RFX6: variants seen among roughly 807,000 people sequenced by gnomAD.
RFX6 encodes the protein DNA-binding protein RFX6.
A neutral mutation model predicts 110.8 loss-of-function variants in RFX6; 50 were observed. The ratio of observed to expected loss-of-function variants is 0.45; its 90% CI spans 0.36 to 0.57. The LOEUF (loss-of-function observed/expected upper bound fraction) is 0.57. Among genes scored for constraint, RFX6 ranks in the 20% least tolerant of loss-of-function variants. RFX6 has a pLI of 0.00. For synonymous variants in RFX6, 383 were observed against 411.2 expected (o/e 0.93, Z 0.83); for missense variants, 990 against 1,127.0 (o/e 0.88, Z 1.74).
chr6:116,901,562 G>A (rs920248624), intron 6 of RFX6, among the ~76,000 whole-genome samples: 1 of 152,136 alleles, frequency 6.6e-6, no homozygotes, highest in Non-Finnish European at 1.5e-5. Flanking sequence ...GATAAACAAA[G>A]AATGACTAAC....
At chr6:116,894,113 T>C in intron 5 of RFX6, 49 bp downstream of exon 5, 1 of 940,542 alleles carries the variant, frequency 1.1e-6, no homozygotes, top group South Asian at 1.3e-5. Context: ...TCTTTAAATA[T>C]GCATGATACC....
At chr6:116,892,047 G>GATGTTT (rs1774842038) in intron 4 of RFX6, among the ~76,000 whole-genome samples, 2 of 152,072 alleles carry the variant, frequency 1.3e-5, no homozygotes, top group African/African-American at 4.8e-5. Context: ...CATCTTCCCA[G>GATGTTT]TCTTCCAGAA....
At chr6:116,898,643 C>T (rs891789159) in intron 6 of RFX6, among the ~76,000 whole-genome samples, 4 of 151,840 alleles carry the variant, frequency 2.6e-5, no homozygotes, top group East Asian at 1.9e-4. Context: ...AGGAATTGGC[C>T]CTAGAGAGGA....
At chr6:116,893,480 A>G (rs1450638193) in intron 4 of RFX6, among the ~76,000 whole-genome samples, 1 of 152,198 alleles carries the variant, frequency 6.6e-6, no homozygotes, top group Non-Finnish European at 1.5e-5. Context: ...TTTTGAAGTG[A>G]AAATAGTAGT....
chr6:116,929,533 A>G (rs891072174), intron 18 of RFX6, among the ~76,000 whole-genome samples: 1 of 152,206 alleles, frequency 6.6e-6, no homozygotes, highest in African/African-American at 2.4e-5. Context: ...GTAAGTAAAA[A>G]TAAGAAAAAC....
intron 17 of RFX6, among the ~76,000 whole-genome samples, chr6:116,927,756 T>C (rs984341353): frequency 6.7e-6 from 1 of 149,498 alleles, no homozygotes; most frequent in African/African-American, 2.5e-5. Flanking sequence ...TTTTTTTTTT[T>C]TTTTTTGAGA....
Position 116,927,043 on chromosome 6 carries a change from ACAGATTGCTGGT to A in RFX6, c.1905_1916del (p.Gln635_Gly638del). 6.2e-7 allele frequency: 1 copy of A among 1,614,038 alleles called. No homozygotes were observed. Among genetic ancestry groups the A allele is most frequent in the Non-Finnish European group, 8.5e-7 (1 of 1,179,920 alleles). On this transcript the variant is annotated inframe_deletion, in exon 17 of 19. Transcript: ENST00000332958. ...TTTTTCCAGGTCAAATGGAGCTTTC[ACAGATTGCTGGT>A]CATCTGATGACACCACCCATTTCTC...
intron 17 of RFX6, 38 bp downstream of exon 17, chr6:116,927,577 A>T (rs756039936): frequency 6.3e-7 from 1 of 1,585,656 alleles, no homozygotes; most frequent in Admixed American, 1.7e-5. Context: ...GGTTTTTGAG[A>T]TGGCAATGAG....
chr6:116,897,267 G>A (rs978097280), intron 6 of RFX6, among the ~76,000 whole-genome samples: 40 of 152,046 alleles, frequency 2.6e-4, no homozygotes, highest in Non-Finnish European at 5.9e-5. Context: ...AGATAATAAT[G>A]TTTATGGAAG....
intron 13 of RFX6, among the ~76,000 whole-genome samples, chr6:116,922,418 C>T (rs1280241595): frequency 5.9e-5 from 9 of 152,144 alleles, no homozygotes; most frequent in Non-Finnish European, 1.2e-4. Flanking sequence ...CAGTCAATAA[C>T]ATTACAGCTG....
Position 116,910,991 on chromosome 6 carries a change from A to G in RFX6, c.729A>G (p.Glu243=). 1 of 1,613,768 alleles carries G rather than the reference A, an allele frequency of 6.2e-7. No homozygotes were observed. Among genetic ancestry groups the G allele is most frequent in the Non-Finnish European group, 8.5e-7 (1 of 1,179,722 alleles). ...CAAAAACTGGAACACTTCTTCCAGA[A>G]TTCCCCAGCGCTCAACACCTTGTAT... The part of the protein sequence containing the change: ...LSSKTGTLLP[E]FPSAQHLVYQ... Residue 243 remains glutamate, a synonymous_variant, in exon 7 of 19, where the codon GAA becomes GAG. Transcript: ENST00000332958.
intron 6 of RFX6, among the ~76,000 whole-genome samples, chr6:116,908,683 C>CACAG (rs1256966124): frequency 8.1e-5 from 8 of 98,736 alleles, no homozygotes; most frequent in African/African-American, 2.7e-4. Context: ...CACACACACA[C>CACAG]ACACAGACAC....
intron 15 of RFX6, 111 bp from the exon 16 acceptor site, chr6:116,925,342 T>A: frequency 1.0e-6 from 1 of 962,454 alleles, no homozygotes; most frequent in African/African-American, 1.6e-5. Context: ...CTTAGTAGTT[T>A]CCAGATTAAA....
intron 4 of RFX6, among the ~76,000 whole-genome samples, chr6:116,884,505 T>G (rs1774658169): frequency 6.6e-6 from 1 of 152,170 alleles, no homozygotes; most frequent in Non-Finnish European, 1.5e-5. Flanking sequence ...CAAGTCAACT[T>G]TATTTCAAAG....
In RFX6 at chr6:116,877,386, G is replaced by T; in HGVS notation, c.111G>T (p.Leu37Phe). The change falls in exon 1 of 19, where the codon TTG becomes TTT. Residue 37 changes from leucine to phenylalanine, a missense_variant. Transcript: ENST00000332958. Reference protein sequence around the residue: ...DCCVQLLGKGLLVYPEETVYL... With the variant: ...DCCVQLLGKGFLVYPEETVYL... The stretch of plus-strand genomic sequence containing the variant: ...GTGTGCAGCTCCTGGGCAAGGGCTT[G>T]CTAGTCTATCCGGAAGAAACAGTGT... 1.2e-6 allele frequency: 2 copies of T among 1,609,904 alleles called. No homozygotes were observed. Among genetic ancestry groups the T allele is most frequent in the Non-Finnish European group, 1.7e-6 (2 of 1,178,272 alleles).
At chr6:116,894,353 G>C (rs1041926949) in intron 5 of RFX6, among the ~76,000 whole-genome samples, 19 of 152,144 alleles carry the variant, frequency 1.2e-4, no homozygotes, top group African/African-American at 4.3e-4. Context: ...ATAAAGCAAA[G>C]TCTATTTTCA....
chr6:116,887,221 A>G (rs960806293), intron 4 of RFX6, among the ~76,000 whole-genome samples: 4 of 152,202 alleles, frequency 2.6e-5, no homozygotes, highest in African/African-American at 9.7e-5. Context: ...ATTCCACATC[A>G]AAGGCCACTG....
chr6:116,911,340 T>C (rs150829592), intron 7 of RFX6, among the ~76,000 whole-genome samples: 187 of 152,348 alleles, frequency 1.2e-3, no homozygotes, highest in African/African-American at 3.5e-3. Flanking sequence ...GGCTGTCACA[T>C]ACACTTTCTT....
chr6:116,927,743 C>CTTTTTTTTTTTTTTTTTT (rs60638457), intron 17 of RFX6, among the ~76,000 whole-genome samples: 2 of 119,560 alleles, frequency 1.7e-5, no homozygotes, highest in African/African-American at 3.2e-5. Context: ...GCCCTTCTTC[C>CTTTTTTTTTTTTTTTTTT]TTTTTTTTTT....
Sources: gnomAD v4.1 joint callset for allele counts (sites outside exome capture counted in the v4.1 genomes callset) on GRCh38, gnomAD v4.1.1 for gene constraint, MANE v1.5 for transcripts, NCBI Gene and HGNC (gene_info 2026-07-23, HGNC 2026-07-21) for gene names.